ARSG: variants seen among roughly 807,000 people sequenced by gnomAD.
The protein encoded by ARSG is arylsulfatase G, also known as ASG.
A neutral mutation model predicts 50.5 loss-of-function variants in ARSG; 37 were observed. That is an observed-to-expected ratio of 0.73 (90% CI 0.56 to 0.96). The LOEUF is 0.96. Among genes scored for constraint, ARSG ranks in the 50% least tolerant of loss-of-function variants. The probability of loss-of-function intolerance (pLI) is 0.00; values close to 1 mark genes in which losing one functional copy is unlikely to be tolerated. For missense variants in ARSG, 629 were observed against 675.3 expected, an observed-to-expected ratio of 0.93 and a Z score of 0.76; for synonymous variants, 225 against 254.6, an observed-to-expected ratio of 0.88 and a Z score of 1.11.
At chr17:68,387,457 T>G (rs57187985) in intron 9 of ARSG, among the ~76,000 whole-genome samples, 11,486 of 152,266 alleles carry the variant, frequency 0.075, 789 homozygotes, top group East Asian at 0.23. Flanking sequence ...TAAATTAGGC[T>G]GGATTTCAGC....
At chr17:68,437,947 T>A in the ARSG span, among the ~76,000 whole-genome samples, 1 of 58,786 alleles carries the variant, frequency 1.7e-5, no homozygotes, top group Non-Finnish European at 3.1e-5. Flanking sequence ...GACATCTCTC[T>A]TAAAAAAAAA....
chr17:68,305,414 G>A (rs180697841), intron 1 of ARSG, among the ~76,000 whole-genome samples: 37 of 152,248 alleles, frequency 2.4e-4, no homozygotes, highest in Middle Eastern at 6.8e-3. Flanking sequence ...ATCCAAAGAC[G>A]AGCAGTACAG....
chr17:68,293,443 ACAT>A (rs1555757062), intron 1 of ARSG, among the ~76,000 whole-genome samples: 1 of 152,182 alleles, frequency 6.6e-6, no homozygotes, highest in East Asian at 1.9e-4. Context: ...TGGAAAAATC[ACAT>A]CTGAATGTTT....
chr17:68,303,062 T>G lies in ARSG; in HGVS notation c.-551-3881T>G, dbSNP rs79455246. Reference sequence around the variant, plus strand: ...CTGAGGGTAGCAAGTAAGGCCATTTTCTTTTCTTCCTTTGTTCTAGGGGCT... The same window carrying G: ...CTGAGGGTAGCAAGTAAGGCCATTTGCTTTTCTTCCTTTGTTCTAGGGGCT... On this transcript the variant is annotated intron_variant, in intron 1 of 11. Transcript: ENST00000621439. Among the ~76,000 whole-genome samples, 1,445 of 152,328 alleles carry G rather than the reference T, an allele frequency of 9.5e-3. 17 individuals are homozygous for G. The highest frequency in any genetic ancestry group is 0.033 in the African/African-American group (1,352 of 41,574).
the ARSG span, among the ~76,000 whole-genome samples, chr17:68,434,199 A>G: frequency 2.0e-5 from 3 of 152,298 alleles, no homozygotes; most frequent in African/African-American, 7.2e-5. Flanking sequence ...GCAAACCTAC[A>G]TCCGATAAGA....
At chr17:68,320,105 G>A (rs941354721) in intron 2 of ARSG, among the ~76,000 whole-genome samples, 13 of 152,230 alleles carry the variant, frequency 8.5e-5, no homozygotes, top group African/African-American at 2.9e-4. Context: ...TGGGCAACAC[G>A]GTGAAATCCC....
At chr17:68,280,179 CAA>C (rs58937538) in intron 1 of ARSG, among the ~76,000 whole-genome samples, 7,282 of 87,218 alleles carry the variant, frequency 0.083, 143 homozygotes, top group African/African-American at 0.14. Context: ...AACTCTGTCT[CAA>C]AAAAAAAAAA....
intron 9 of ARSG, among the ~76,000 whole-genome samples, chr17:68,386,429 A>G (rs575402399): frequency 1.3e-5 from 2 of 152,048 alleles, no homozygotes; most frequent in South Asian, 2.1e-4. Context: ...TCCAATGGGG[A>G]GGAGGGGAGA....
At chr17:68,308,056 T>C (rs1298777439) in intron 2 of ARSG, among the ~76,000 whole-genome samples, 1 of 152,096 alleles carries the variant, frequency 6.6e-6, no homozygotes, top group African/African-American at 2.4e-5. Context: ...GTAATCCCAA[T>C]GCTTTGGGAG....
intron 2 of ARSG, among the ~76,000 whole-genome samples, chr17:68,342,001 G>A (rs2078290229): frequency 1.3e-5 from 2 of 151,706 alleles, no homozygotes; most frequent in African/African-American, 2.4e-5. Context: ...TGTATTTTTT[G>A]TGGAGATGGG....
intron 2 of ARSG, among the ~76,000 whole-genome samples, chr17:68,311,490 G>A (rs2076851795): frequency 6.6e-6 from 1 of 152,102 alleles, no homozygotes. Flanking sequence ...ACCATATTTG[G>A]AAACAGGGTC....
At chr17:68,264,716 C>T (rs2075125219) in intron 1 of ARSG, among the ~76,000 whole-genome samples, 2 of 151,818 alleles carry the variant, frequency 1.3e-5, no homozygotes, top group Non-Finnish European at 2.9e-5. Context: ...GGATTACAGG[C>T]GTGAGCCACT....
chr17:68,436,241 C>T, the ARSG span: 49 of 732,012 alleles, frequency 6.7e-5, 1 homozygote, highest in African/African-American at 6.5e-4. Context: ...GAAATAGTAT[C>T]ACCTTCTCTT....
upstream of ARSG, among the ~76,000 whole-genome samples, chr17:68,290,875 C>T (rs1555755603): frequency 6.6e-6 from 1 of 151,488 alleles, no homozygotes; most frequent in Non-Finnish European, 1.5e-5. Context: ...CTCAGCTACC[C>T]ACACCGGCGC....
At chr17:68,414,508 T>C (rs1323804444) in intron 11 of ARSG, among the ~76,000 whole-genome samples, 1 of 152,200 alleles carries the variant, frequency 6.6e-6, no homozygotes, top group East Asian at 1.9e-4. Flanking sequence ...GTTATGTCCT[T>C]TCCTGGTTGT....
intron 1 of ARSG, among the ~76,000 whole-genome samples, chr17:68,284,951 T>G (rs1352402078): frequency 3.9e-5 from 6 of 152,198 alleles, no homozygotes; most frequent in South Asian, 4.1e-4. Context: ...TGCCTGTACC[T>G]TGTACACAGC....
rs1023483675 is a variant in ARSG, at chr17:68,387,119, A to G, written c.1091+1947A>G. On this transcript the variant is annotated intron_variant, in intron 9 of 11. Coordinates refer to ENST00000621439, the MANE Select transcript of ARSG (RefSeq NM_001267727.2). The stretch of plus-strand genomic sequence containing the variant: ...CACACACACACACACACACACACAC[A>G]TACCTTTTATTTTATTTATTTTGTT... Among the ~76,000 whole-genome samples, 271 of 118,810 alleles carry G rather than the reference A, an allele frequency of 2.3e-3. 2 individuals are homozygous for G. Among genetic ancestry groups the G allele is most frequent in the African/African-American group, 8.2e-3 (257 of 31,420 alleles). 77.9% of individuals were successfully genotyped at this position (118,810 alleles called of 152,430 possible). A position where few individuals can be genotyped will look rare whatever the true frequency, so the allele number is the denominator to read the frequency against.
At chr17:68,299,087 G>GA (rs1473255462) in intron 1 of ARSG, among the ~76,000 whole-genome samples, 10 of 146,418 alleles carry the variant, frequency 6.8e-5, no homozygotes, top group Non-Finnish European at 1.3e-4. Context: ...ATGACAAAGG[G>GA]AAAAAAATTG....
At chr17:68,400,271 T>A (rs553326195) in intron 10 of ARSG, 1 of 152,272 alleles carries the variant, frequency 6.6e-6, no homozygotes. Context: ...TTCTTTCACA[T>A]CCTTCCCTCG....
Sources: gnomAD v4.1 joint callset for allele counts (sites outside exome capture counted in the v4.1 genomes callset) on GRCh38, gnomAD v4.1.1 for gene constraint, MANE v1.5 for transcripts, NCBI Gene and HGNC (gene_info 2026-07-23, HGNC 2026-07-21) for gene names.